Variants in AGBL4 observed in about 807,000 individuals in gnomAD.
AGBL4 encodes AGBL carboxypeptidase 4.
A neutral mutation model predicts 66.4 loss-of-function variants in AGBL4; 58 were observed. The observed-to-expected ratio is 0.87, with a 90% CI of 0.71 to 1.09. The LOEUF (loss-of-function observed/expected upper bound fraction) is 1.09. Ranked by LOEUF, AGBL4 falls within the 50% of genes least tolerant of loss-of-function variation. The pLI is 0.00. For synonymous variants in AGBL4, 234 were observed against 222.9 expected, an observed-to-expected ratio of 1.05 and a Z score of -0.44; for missense variants, 579 against 631.0, an observed-to-expected ratio of 0.92 and a Z score of 0.88.
chr1:49,497,591 C>T (rs139839189), intron 3 of AGBL4, among the ~76,000 whole-genome samples: 204 of 151,954 alleles, frequency 1.3e-3, no homozygotes, highest in African/African-American at 4.7e-3. Flanking sequence ...TATTTTCATT[C>T]TTCTATATGT....
chr1:48,629,660 G>A (rs1035190100), intron 9 of AGBL4, among the ~76,000 whole-genome samples: 12 of 152,130 alleles, frequency 7.9e-5, no homozygotes, highest in African/African-American at 2.9e-4. Context: ...GGTAGATGCC[G>A]AGTCCAGGAC....
chr1:49,258,592 G>A (rs1652779721), intron 3 of AGBL4, among the ~76,000 whole-genome samples: 1 of 152,040 alleles, frequency 6.6e-6, no homozygotes, highest in Non-Finnish European at 1.5e-5. Context: ...GAAGTGAGAA[G>A]GGAAGTTTAG....
chr1:49,178,227 T>C (rs1430584488), intron 4 of AGBL4, among the ~76,000 whole-genome samples: 1 of 152,172 alleles, frequency 6.6e-6, no homozygotes, highest in Non-Finnish European at 1.5e-5. Flanking sequence ...ATAATGCATA[T>C]TATAATAAAT....
intron 3 of AGBL4, among the ~76,000 whole-genome samples, chr1:49,693,177 C>G (rs998002779): frequency 1.8e-4 from 27 of 152,108 alleles, no homozygotes; most frequent in Admixed American, 1.2e-3. Context: ...GCTGATAGGA[C>G]AGTAAAATAG....
intron 3 of AGBL4, among the ~76,000 whole-genome samples, chr1:49,444,189 T>A (rs964079602): frequency 9.2e-5 from 14 of 152,084 alleles, no homozygotes; most frequent in African/African-American, 3.4e-4. Flanking sequence ...ATATGGTCTA[T>A]TTTGGAGAAT....
intron 5 of AGBL4, among the ~76,000 whole-genome samples, chr1:49,014,113 T>TC (rs951340861): frequency 3.7e-4 from 56 of 152,208 alleles, no homozygotes; most frequent in African/African-American, 1.3e-3. Context: ...ATTCCGTTCT[T>TC]CCCCCTTCTC....
intron 1 of AGBL4, among the ~76,000 whole-genome samples, chr1:49,891,560 G>A (rs1648649046): frequency 6.6e-6 from 1 of 152,282 alleles, no homozygotes; most frequent in African/African-American, 2.4e-5. Context: ...CAAGGTTGAG[G>A]CATCCTAACC....
At chr1:49,468,150 C>T (rs1481696663) in intron 3 of AGBL4, among the ~76,000 whole-genome samples, 2 of 151,810 alleles carry the variant, frequency 1.3e-5, no homozygotes, top group African/African-American at 4.8e-5. Context: ...TGTTTTCAAT[C>T]AAATGCAGAT....
chr1:49,820,441 G>A (rs1645339835), intron 2 of AGBL4, among the ~76,000 whole-genome samples: 1 of 152,130 alleles, frequency 6.6e-6, no homozygotes, highest in African/African-American at 2.4e-5. Context: ...CTAAAGGATT[G>A]AGTTTTCCAA....
intron 6 of AGBL4, among the ~76,000 whole-genome samples, chr1:48,784,392 A>C (rs559425148): frequency 6.6e-6 from 1 of 152,310 alleles, no homozygotes; most frequent in South Asian, 2.1e-4. Context: ...AGCATCCTAG[A>C]ATGATTCCCG....
intron 5 of AGBL4, among the ~76,000 whole-genome samples, chr1:49,025,285 C>T (rs779624243): frequency 2.6e-5 from 4 of 152,158 alleles, no homozygotes; most frequent in Non-Finnish European, 5.9e-5. Context: ...ACTTGTCCCA[C>T]TAATTCGCTG....
chr1:49,130,866 T>G (rs1346056967), intron 4 of AGBL4, among the ~76,000 whole-genome samples: 1 of 152,140 alleles, frequency 6.6e-6, no homozygotes, highest in Admixed American at 6.6e-5. Context: ...CTGTCAGATA[T>G]TTATAAAGTT....
At position 48,663,139 on chromosome 1, in the gene AGBL4, T is replaced by C. The variant is rs1570172504; in HGVS notation, c.724+13A>G. On this transcript the variant is annotated intron_variant, in intron 7 of 13. Coordinates refer to ENST00000371839, the MANE Select transcript of AGBL4 (RefSeq NM_032785.4). ...ATGTGGGTATAGGATACCTATGAGATCCTGCCACTCACCTTGGCACACAAA... is the reference window on the plus strand; with the variant it reads ...ATGTGGGTATAGGATACCTATGAGACCCTGCCACTCACCTTGGCACACAAA... The C allele has an allele frequency of 6.2e-7, 1 of 1,613,488 alleles. No individual in the cohort carries two copies. The highest frequency in any genetic ancestry group is 8.5e-7 in the Non-Finnish European group (1 of 1,179,532).
chr1:49,027,368 G>C (rs1401128969), intron 5 of AGBL4, among the ~76,000 whole-genome samples: 4 of 151,920 alleles, frequency 2.6e-5, no homozygotes, highest in Admixed American at 2.6e-4. Flanking sequence ...TCACTATGTT[G>C]GCCAGGCTAG....
chr1:49,968,483 C>T (rs1442456384), intron 1 of AGBL4, among the ~76,000 whole-genome samples: 3 of 152,144 alleles, frequency 2.0e-5, no homozygotes, highest in Non-Finnish European at 4.4e-5. Flanking sequence ...ACTATCAACT[C>T]GCTTACCCAT....
At position 49,757,785 on chromosome 1, in the gene AGBL4, A is replaced by G. The variant is rs182262386; in HGVS notation, c.158-60348T>C. ...CTAAGCAGCAAAGTATTCAAGAGGAAGAAGAGCATGAAAGTTTGGAAAATT... is the reference window on the plus strand; with the variant it reads ...CTAAGCAGCAAAGTATTCAAGAGGAGGAAGAGCATGAAAGTTTGGAAAATT... On this transcript the variant is annotated intron_variant, in intron 2 of 13. Coordinates refer to ENST00000371839, the MANE Select transcript of AGBL4 (RefSeq NM_032785.4). Among the ~76,000 whole-genome samples the G allele has an allele frequency of 1.7e-3, 254 of 152,292 alleles. 1 individual carries two copies. Among genetic ancestry groups the G allele is most frequent in the African/African-American group, 5.7e-3 (238 of 41,562 alleles).
intron 6 of AGBL4, among the ~76,000 whole-genome samples, chr1:48,671,735 C>G (rs1020538655): frequency 2.0e-5 from 3 of 152,220 alleles, no homozygotes; most frequent in African/African-American, 7.2e-5. Flanking sequence ...GGTCACTAGA[C>G]AGTAAGCAAC....
At chr1:49,580,481 G>A (rs577148547) in intron 3 of AGBL4, among the ~76,000 whole-genome samples, 1 of 152,192 alleles carries the variant, frequency 6.6e-6, no homozygotes, top group East Asian at 1.9e-4. Context: ...TTGTGCAATT[G>A]CTTTACAAGT....
In AGBL4 at chr1:49,948,574, T is replaced by TAGAG. The variant is rs1417717198; in HGVS notation, c.34+75188_34+75189insCTCT. 7.2e-4 allele frequency among the ~76,000 whole-genome samples: 88 copies of TAGAG among 121,634 alleles called. 2 individuals carry two copies. The East Asian group carries it at 0.011, about 15-fold the overall frequency. 79.8% of individuals were successfully genotyped at this position (121,634 alleles called of 152,430 possible). Reference sequence around the variant, plus strand: ...ATATAAATATATAAAAATATATATATATATATATAGAGAGAGAGAGAGAGA... The same window carrying TAGAG: ...ATATAAATATATAAAAATATATATATAGAGATATATATAGAGAGAGAGAGAGAGA... On this transcript the variant is annotated intron_variant, in intron 1 of 13. Transcript: ENST00000371839.
Sources: allele counts gnomAD v4.1 joint callset (sites outside exome capture counted in the v4.1 genomes callset), GRCh38; gene constraint gnomAD v4.1.1; transcripts MANE v1.5; gene names NCBI Gene and HGNC (gene_info 2026-07-23, HGNC 2026-07-21).